RASGRP3: variants seen among roughly 807,000 people sequenced by gnomAD.
RASGRP3 encodes the protein RAS guanyl releasing protein 3.
A neutral mutation model predicts 82.7 loss-of-function variants in RASGRP3; 54 were observed. That is an observed-to-expected ratio of 0.65 (90% CI 0.52 to 0.82). The LOEUF is 0.82. RASGRP3 is among the 40% of genes least tolerant of loss of function. The pLI, the probability that RASGRP3 is intolerant of heterozygous loss-of-function variation, is 0.00. For synonymous variants in RASGRP3, 309 were observed against 300.5 expected (o/e 1.03, Z -0.29); for missense variants, 861 against 828.9 (o/e 1.04, Z -0.48).
At chr2:33,548,409 T>TG (rs200594712) in intron 13 of RASGRP3, among the ~76,000 whole-genome samples, 5,485 of 147,442 alleles carry the variant, frequency 0.037, 349 homozygotes, top group African/African-American at 0.13. Flanking sequence ...AGACATCTGT[T>TG]GGAGATGGCA....
chr2:33,459,357 A>G (rs987473294), intron 2 of RASGRP3, among the ~76,000 whole-genome samples: 2 of 152,004 alleles, frequency 1.3e-5, no homozygotes, highest in Non-Finnish European at 2.9e-5. Context: ...GATGGTCTCG[A>G]TCTCCTGACT....
chr2:33,519,973 A>C lies in RASGRP3; in HGVS notation c.195A>C (p.Glu65Asp), dbSNP rs1366677906. The C allele has an allele frequency of 1.2e-6, 2 of 1,610,648 alleles. No individual in the cohort carries two copies. The highest frequency in any genetic ancestry group is 8.5e-7 in the Non-Finnish European group (1 of 1,178,408). The change falls in exon 5 of 18, where the codon GAA becomes GAC. Residue 65 changes from glutamate (E) to aspartate (D), a missense_variant. Physicochemically the swap from Glu to Asp is conservative, Grantham distance 45. Transcript: ENST00000403687. Reference sequence around the variant, plus strand: ...TTACGTATCGAAATGCCACTGGAGAAAGCTGCAATGAATTTCGATTAAAGA... The same window carrying C: ...TTACGTATCGAAATGCCACTGGAGACAGCTGCAATGAATTTCGATTAAAGA... ...LLCMYRNATGESCNEFRLKIC... is the reference protein window; with the variant it reads ...LLCMYRNATGDSCNEFRLKIC...
chr2:33,510,191 G>A (rs1670799282), intron 1 of RASGRP3, among the ~76,000 whole-genome samples: 1 of 152,184 alleles, frequency 6.6e-6, no homozygotes, highest in Admixed American at 6.5e-5. Flanking sequence ...CCATTGGCAG[G>A]GAAGGATCTT....
intron 1 of RASGRP3, among the ~76,000 whole-genome samples, chr2:33,498,414 T>C (rs1290762445): frequency 1.3e-5 from 2 of 152,202 alleles, no homozygotes; most frequent in African/African-American, 2.4e-5. Context: ...TACCATTACA[T>C]TGTACTTAGA....
At chr2:33,511,342 A>G (rs1670906670) in intron 1 of RASGRP3, among the ~76,000 whole-genome samples, 2 of 152,214 alleles carry the variant, frequency 1.3e-5, no homozygotes, top group African/African-American at 4.8e-5. Flanking sequence ...TTTAGTGATC[A>G]TGACCACAGA....
chr2:33,527,191 C>T lies in RASGRP3; in HGVS notation c.862C>T (p.Arg288Cys), dbSNP rs1476254460. Residue 288 changes from arginine to cysteine, a missense_variant, in exon 10 of 18, where the codon CGC (arginine) becomes TGC (cysteine). Physicochemically the swap from Arg to Cys is radical, Grantham distance 180 (BLOSUM62 -3). Transcript: ENST00000403687. Reference sequence around the variant, plus strand: ...CTCCAACGGCAATTACTGCAATTACCGCAAGGCCTTTGCCGACTGCGATGG... The same window carrying T: ...CTCCAACGGCAATTACTGCAATTACTGCAAGGCCTTTGCCGACTGCGATGG... ...VSSNGNYCNY[R>C]KAFADCDGFK... is the part of the protein sequence containing the mutation. The T allele has an allele frequency of 9.9e-6, 16 of 1,613,904 alleles. No individual in the cohort carries two copies. Among genetic ancestry groups the T allele is most frequent in the Non-Finnish European group, 1.2e-5 (14 of 1,179,894 alleles).
Position 33,520,421 on chromosome 2 carries a change from T to C in RASGRP3, c.237-132T>C, listed in dbSNP as rs913715373. The C allele has an allele frequency of 1.4e-4, 168 of 1,197,668 alleles. 1 individual carries two copies. Among genetic ancestry groups the C allele is most frequent in the Non-Finnish European group, 1.9e-4 (156 of 843,034 alleles). 74.2% of individuals were successfully genotyped at this position (1,197,668 alleles called of 1,614,324 possible). A position where few individuals can be genotyped will look rare whatever the true frequency, so the allele number is the denominator to read the frequency against. On this transcript the variant is annotated intron_variant, in intron 5 of 17. Transcript: ENST00000403687. ...TGGATGGGGTTTTGGAGACAGGAGA[T>C]GGCTAATTTGAAGTGTGGTCCTGGA... is the stretch of plus-strand genomic sequence containing the variant.
intron 13 of RASGRP3, among the ~76,000 whole-genome samples, chr2:33,547,035 G>T (rs1234388669): frequency 7.2e-6 from 1 of 139,554 alleles, no homozygotes; most frequent in Non-Finnish European, 1.5e-5. Flanking sequence ...GGTAACAAGA[G>T]CGAATCTCTG....
chr2:33,516,969 C>T (rs915277291), intron 4 of RASGRP3, among the ~76,000 whole-genome samples: 1 of 152,100 alleles, frequency 6.6e-6, no homozygotes, highest in Non-Finnish European at 1.5e-5. Flanking sequence ...GATTCAAGAC[C>T]AAATTTGTTT....
intron 2 of RASGRP3, among the ~76,000 whole-genome samples, chr2:33,448,442 C>G (rs372822936): frequency 2.0e-5 from 3 of 152,006 alleles, no homozygotes; most frequent in Admixed American, 6.6e-5. Context: ...AAGAGATAAA[C>G]AAAATGTGGC....
chr2:33,553,703 A>G (rs755341174), intron 14 of RASGRP3, among the ~76,000 whole-genome samples: 20 of 152,188 alleles, frequency 1.3e-4, no homozygotes, highest in Non-Finnish European at 4.4e-5. Context: ...TCCCTAAGAC[A>G]AAATACTGCT....
At chr2:33,477,403 TCCTTC>T (rs1173504472) in intron 1 of RASGRP3, among the ~76,000 whole-genome samples, 1 of 152,240 alleles carries the variant, frequency 6.6e-6, no homozygotes, top group Admixed American at 6.5e-5. Context: ...CCCCTGGTCT[TCCTTC>T]ACCTTCATTA....
chr2:33,503,890 G>A (rs995528664), intron 1 of RASGRP3, among the ~76,000 whole-genome samples: 1 of 152,098 alleles, frequency 6.6e-6, no homozygotes, highest in African/African-American at 2.4e-5. Flanking sequence ...TAGTGAAACT[G>A]GATAATAAAA....
At chr2:33,470,896 T>C (rs1667023739) in intron 2 of RASGRP3, among the ~76,000 whole-genome samples, 1 of 152,308 alleles carries the variant, frequency 6.6e-6, no homozygotes, top group African/African-American at 2.4e-5. Flanking sequence ...GGTTGAATAC[T>C]TTTGTCTCCA....
chr2:33,464,368 C>T (rs936089906), intron 2 of RASGRP3, among the ~76,000 whole-genome samples: 1 of 151,308 alleles, frequency 6.6e-6, no homozygotes, highest in African/African-American at 2.4e-5. Context: ...AATCTACCCA[C>T]CTCAGCCTCC....
intron 13 of RASGRP3, among the ~76,000 whole-genome samples, chr2:33,546,373 A>G (rs1046033064): frequency 7.3e-5 from 11 of 151,538 alleles, no homozygotes; most frequent in Admixed American, 3.3e-4. Flanking sequence ...CAGTGAGCCA[A>G]GATCGCACCA....
chr2:33,558,542 T>C, intron 16 of RASGRP3, 130 bp from the exon 17 acceptor site: 1 of 1,121,260 alleles, frequency 8.9e-7, no homozygotes, highest in Non-Finnish European at 1.2e-6. Context: ...TGCCTGCGGC[T>C]AATTGAGTTC....
intron 13 of RASGRP3, among the ~76,000 whole-genome samples, chr2:33,548,717 A>T (rs11690877): frequency 0.34 from 51,559 of 151,820 alleles, 9,891 homozygotes; most frequent in Middle Eastern, 0.52. Context: ...TATTATTATT[A>T]TTTTTTGAGA....
At chr2:33,507,330 G>A (rs900539489) in intron 1 of RASGRP3, among the ~76,000 whole-genome samples, 1 of 152,150 alleles carries the variant, frequency 6.6e-6, no homozygotes, top group Non-Finnish European at 1.5e-5. Flanking sequence ...GGGGGGCAGA[G>A]GTTGAAGTGA....
Sources: gnomAD v4.1 joint callset for allele counts (sites outside exome capture counted in the v4.1 genomes callset) on GRCh38, gnomAD v4.1.1 for gene constraint, MANE v1.5 for transcripts, NCBI Gene and HGNC (gene_info 2026-07-23, HGNC 2026-07-21) for gene names.